The following PLCG2 variants were observed in gnomAD, a reference collection of about 807,000 sequenced individuals.
PLCG2 encodes the protein 1-phosphatidylinositol 4,5-bisphosphate phosphodiesterase gamma-2.
Under a neutral mutation model 175.6 loss-of-function variants are expected in PLCG2, and 69 were observed. That is an observed-to-expected ratio of 0.39 (90% CI 0.32 to 0.48). The LOEUF is 0.48. PLCG2 is among the 20% of genes least tolerant of loss of function. The probability of loss-of-function intolerance (pLI) is 0.91; values close to 1 mark genes in which losing one functional copy is unlikely to be tolerated. For synonymous variants in PLCG2, 827 were observed against 624.0 expected, an observed-to-expected ratio of 1.33 and a Z score of -4.85; for missense variants, 1,798 against 1,650.9, an observed-to-expected ratio of 1.09 and a Z score of -1.54.
intron 28 of PLCG2, 83 bp downstream of exon 28, chr16:81,937,986 C>G: frequency 1.5e-6 from 2 of 1,331,160 alleles, no homozygotes; most frequent in African/African-American, 2.9e-5. Flanking sequence ...GAGCAGGGAA[C>G]CCATGTCTAG....
intron 1 of PLCG2, 35 bp downstream of exon 1, chr16:81,779,459 C>A (rs1008471718): frequency 2.8e-4 from 42 of 151,622 alleles, no homozygotes; most frequent in African/African-American, 1.0e-3. Flanking sequence ...GCAGGCAGGG[C>A]GCCCAGGGAC....
chr16:81,854,914 G>T (rs1906604836), intron 3 of PLCG2, among the ~76,000 whole-genome samples: 1 of 152,080 alleles, frequency 6.6e-6, no homozygotes, highest in Non-Finnish European at 1.5e-5. Flanking sequence ...TGAAGGCCAG[G>T]CTCTGTTGGA....
intron 2 of PLCG2, among the ~76,000 whole-genome samples, chr16:81,822,527 C>T (rs146948024): frequency 0.03 from 4,616 of 152,070 alleles, 137 homozygotes; most frequent in African/African-American, 0.075. Context: ...GAGGCCGAGG[C>T]GGGTGGATCA....
At chr16:81,847,675 A>G (rs1399841885) in intron 2 of PLCG2, among the ~76,000 whole-genome samples, 1 of 152,198 alleles carries the variant, frequency 6.6e-6, no homozygotes, top group Admixed American at 6.5e-5. Flanking sequence ...AAAATATTTG[A>G]GAAAATTGCA....
At chr16:81,753,134 C>A (rs942542810) in intron 1 of PLCG2, among the ~76,000 whole-genome samples, 1 of 105,226 alleles carries the variant, frequency 9.5e-6, no homozygotes, top group African/African-American at 2.8e-5. Flanking sequence ...TGCTCCCGGC[C>A]TCGCACCCTT....
rs199963973 is a variant in PLCG2, at chr16:81,895,784, G to C, written c.1073-23G>C. ...TGTCAGTGAACACACGTGGTATTGA[G>C]GCTGCCGCGTTTCTCCCTGTAGTGG... On this transcript the variant is annotated intron_variant, in intron 12 of 32. Transcript: ENST00000564138. 1.4e-4 allele frequency: 233 copies of C among 1,613,950 alleles called. No homozygotes were observed. The East Asian group carries it at 4.9e-3, about 34-fold the overall frequency.
intron 2 of PLCG2, among the ~76,000 whole-genome samples, chr16:81,830,508 C>A (rs913543823): frequency 1.3e-5 from 2 of 151,922 alleles, no homozygotes; most frequent in African/African-American, 2.4e-5. Context: ...GATTTCACCA[C>A]GTTGGCCATG....
At chr16:81,810,265 G>A (rs1003552067) in intron 2 of PLCG2, among the ~76,000 whole-genome samples, 4 of 152,326 alleles carry the variant, frequency 2.6e-5, no homozygotes, top group South Asian at 4.1e-4. Context: ...GGATTACGGT[G>A]TGAGCCACCG....
intron 30 of PLCG2, among the ~76,000 whole-genome samples, chr16:81,945,175 T>C (rs1247023111): frequency 1.3e-5 from 2 of 152,156 alleles, no homozygotes; most frequent in East Asian, 3.9e-4. Flanking sequence ...TGGATATTGT[T>C]TGAAGGTGAT....
chr16:81,849,524 C>G (rs1023154032), intron 2 of PLCG2, among the ~76,000 whole-genome samples: 1 of 151,986 alleles, frequency 6.6e-6, no homozygotes, highest in East Asian at 1.9e-4. Context: ...TTTGGAAGGC[C>G]GAGACAGGCG....
At chr16:81,770,130 T>C (rs994554202) in intron 2 of PLCG2, among the ~76,000 whole-genome samples, 13 of 152,150 alleles carry the variant, frequency 8.5e-5, no homozygotes, top group South Asian at 2.1e-4. Flanking sequence ...TTTTTATTGA[T>C]GCATAACAAC....
At chr16:81,925,426 C>A (rs892815281) in intron 22 of PLCG2, among the ~76,000 whole-genome samples, 1 of 152,150 alleles carries the variant, frequency 6.6e-6, no homozygotes, top group African/African-American at 2.4e-5. Flanking sequence ...CCAGCCCTTG[C>A]CAGAAGTGGG....
intron 2 of PLCG2, among the ~76,000 whole-genome samples, chr16:81,772,095 C>G (rs572641870): frequency 3.9e-5 from 6 of 151,956 alleles, no homozygotes; most frequent in African/African-American, 4.8e-5. Flanking sequence ...GAAATAGGGT[C>G]TTTATGGAGG....
chr16:81,863,612 G>C (rs1227427422), intron 5 of PLCG2, among the ~76,000 whole-genome samples: 2 of 152,206 alleles, frequency 1.3e-5, no homozygotes, highest in Non-Finnish European at 2.9e-5. Flanking sequence ...TATATATCCA[G>C]AAGCTGAATT....
intron 2 of PLCG2, among the ~76,000 whole-genome samples, chr16:81,761,053 C>A (rs1343228288): frequency 6.6e-6 from 1 of 152,146 alleles, no homozygotes. Context: ...CGCACCACCA[C>A]ACTTGGCTAA....
intron 25 of PLCG2, among the ~76,000 whole-genome samples, chr16:81,932,406 G>A (rs77837128): frequency 0.014 from 2,178 of 152,292 alleles, 41 homozygotes; most frequent in African/African-American, 0.05. Context: ...CCCTGTCTTC[G>A]ATGATGGAGT....
chr16:81,809,178 C>A (rs1904297279), intron 2 of PLCG2, among the ~76,000 whole-genome samples: 1 of 152,100 alleles, frequency 6.6e-6, no homozygotes, highest in African/African-American at 2.4e-5. Flanking sequence ...TTGGCCTGAC[C>A]TTATCCCCTC....
At chr16:81,948,295 G>C (rs931903996) in intron 31 of PLCG2, among the ~76,000 whole-genome samples, 3 of 142,158 alleles carry the variant, frequency 2.1e-5, no homozygotes, top group Non-Finnish European at 1.6e-5. Flanking sequence ...CCACTGGAAT[G>C]ATTTAACATG....
chr16:81,851,615 C>T (rs534755048), intron 2 of PLCG2, among the ~76,000 whole-genome samples: 3 of 152,164 alleles, frequency 2.0e-5, no homozygotes, highest in Admixed American at 6.6e-5. Context: ...CGAGTTCAGG[C>T]GATTCTTCTG....
Sources: gnomAD v4.1 joint callset for allele counts (sites outside exome capture counted in the v4.1 genomes callset) on GRCh38, gnomAD v4.1.1 for gene constraint, MANE v1.5 for transcripts, NCBI Gene and HGNC (gene_info 2026-07-23, HGNC 2026-07-21) for gene names.